The following RICTOR variants were observed in gnomAD, a reference collection of about 807,000 sequenced individuals.
The protein encoded by RICTOR is RPTOR independent companion of MTOR complex 2.
In RICTOR, 49 loss-of-function variants were observed where a neutral mutation model predicts 214.9. That is an observed-to-expected ratio of 0.23 (90% CI 0.18 to 0.29). The LOEUF (loss-of-function observed/expected upper bound fraction) is 0.29, where lower values mean the gene tolerates loss of function less well. Ranked by LOEUF, RICTOR falls within the 10% of genes least tolerant of loss-of-function variation. The probability of loss-of-function intolerance (pLI) is 1.00; values close to 1 mark genes in which losing one functional copy is unlikely to be tolerated. For synonymous variants in RICTOR, 717 were observed against 711.3 expected (o/e 1.01, Z -0.13); for missense variants, 1,625 against 2,047.0 (o/e 0.79, Z 3.98).
chr5:39,037,584 G>C (rs1460138910), intron 2 of RICTOR, among the ~76,000 whole-genome samples: 1 of 150,334 alleles, frequency 6.7e-6, no homozygotes, highest in Non-Finnish European at 1.5e-5. Context: ...GACTAATAAA[G>C]AAGAAAAGAG....
At chr5:38,971,731 G>A in intron 11 of RICTOR, 146 bp downstream of exon 11, 1 of 562,954 alleles carries the variant, frequency 1.8e-6, no homozygotes, top group Non-Finnish European at 3.1e-6. Flanking sequence ...TAACTAAGTA[G>A]TAAATATTTA....
chr5:39,019,460 T>A (rs1331615989), intron 3 of RICTOR, among the ~76,000 whole-genome samples: 1 of 152,130 alleles, frequency 6.6e-6, no homozygotes, highest in African/African-American at 2.4e-5. Context: ...ATTCTGAAAA[T>A]CCTAGAGATC....
chr5:39,051,548 G>A (rs1757847774), intron 2 of RICTOR, among the ~76,000 whole-genome samples: 1 of 152,082 alleles, frequency 6.6e-6, no homozygotes, highest in Admixed American at 6.5e-5. Context: ...AGGAGTTGGA[G>A]ACCAGGCTGG....
chr5:38,977,592 CTTTTTTTTTTT>C (rs34467191), intron 9 of RICTOR, among the ~76,000 whole-genome samples: 2 of 83,222 alleles, frequency 2.4e-5, no homozygotes, highest in Non-Finnish European at 4.5e-5. Flanking sequence ...TATGAAACCA[CTTTTTTTTTTT>C]TTTTTTTTTT....
chr5:38,988,642 T>C (rs1366826766), intron 7 of RICTOR, among the ~76,000 whole-genome samples: 1 of 152,166 alleles, frequency 6.6e-6, no homozygotes, highest in Non-Finnish European at 1.5e-5. Context: ...CAAAATCTCC[T>C]TAAGCTGATA....
intron 31 of RICTOR, among the ~76,000 whole-genome samples, chr5:38,947,917 T>C (rs920976307): frequency 8.5e-5 from 13 of 152,256 alleles, no homozygotes; most frequent in African/African-American, 2.9e-4. Context: ...AATGCCTTCA[T>C]TATCAACATA....
At chr5:39,061,091 G>A (rs1758509358) in intron 2 of RICTOR, among the ~76,000 whole-genome samples, 1 of 152,050 alleles carries the variant, frequency 6.6e-6, no homozygotes, top group South Asian at 2.1e-4. Flanking sequence ...TGTGTTCAAA[G>A]ACGATTAAAC....
intron 7 of RICTOR, among the ~76,000 whole-genome samples, chr5:38,990,523 T>TACACGATATATAC (rs1554067770): frequency 1.5e-5 from 2 of 129,800 alleles, no homozygotes; most frequent in African/African-American, 3.0e-5. Flanking sequence ...ACGATATATA[T>TACACGATATATAC]ACGATATATA....
chr5:38,992,497 A>G (rs1229176210), intron 6 of RICTOR, among the ~76,000 whole-genome samples: 2 of 152,184 alleles, frequency 1.3e-5, no homozygotes, highest in African/African-American at 4.8e-5. Context: ...ATAATAAACT[A>G]TGTTACCTTG....
chr5:38,969,548 C>G (rs2150037148), intron 11 of RICTOR: 1 of 151,820 alleles, frequency 6.6e-6, no homozygotes, highest in East Asian at 1.9e-4. Flanking sequence ...CAGTAGTGTA[C>G]AGTCATGTCC....
At chr5:39,066,701 A>G (rs1352173546) in intron 2 of RICTOR, among the ~76,000 whole-genome samples, 1 of 152,194 alleles carries the variant, frequency 6.6e-6, no homozygotes, top group Non-Finnish European at 1.5e-5. Context: ...ACACATCTTG[A>G]ACACTTTGCT....
chr5:38,973,504 A>T (rs1163697913), intron 10 of RICTOR, among the ~76,000 whole-genome samples: 2 of 152,072 alleles, frequency 1.3e-5, no homozygotes, highest in Admixed American at 1.3e-4. Context: ...AGTTTTTTCA[A>T]TTTTTCTGTA....
chr5:39,061,425 G>A (rs1758533846), intron 2 of RICTOR, among the ~76,000 whole-genome samples: 2 of 152,194 alleles, frequency 1.3e-5, no homozygotes, highest in South Asian at 4.1e-4. Flanking sequence ...GATGACAGCT[G>A]TCTGATATTG....
At chr5:39,066,385 A>G (rs1229828522) in intron 2 of RICTOR, among the ~76,000 whole-genome samples, 5 of 152,218 alleles carry the variant, frequency 3.3e-5, no homozygotes, top group African/African-American at 1.2e-4. Context: ...CTTTCTTCCT[A>G]GGCCTCTGGG....
At chr5:38,943,281 C>A (rs1747805163) in intron 36 of RICTOR, 1 of 200,608 alleles carries the variant, frequency 5.0e-6, no homozygotes, top group South Asian at 1.6e-4. Context: ...AAAATATGTT[C>A]CAAATTAAGT....
At chr5:38,954,327 T>TA (rs1749051951) in intron 27 of RICTOR, among the ~76,000 whole-genome samples, 1 of 151,958 alleles carries the variant, frequency 6.6e-6, no homozygotes, top group African/African-American at 2.4e-5. Flanking sequence ...TTCCATGAAG[T>TA]ACGCGAGAAT....
intron 7 of RICTOR, among the ~76,000 whole-genome samples, chr5:38,983,806 C>CA (rs1164812017): frequency 1.0e-4 from 15 of 150,522 alleles, no homozygotes; most frequent in East Asian, 5.9e-4. Context: ...ACTGAAAATA[C>CA]AAAAAAAAAT....
chr5:39,031,339 A>G (rs1200483099), intron 2 of RICTOR, among the ~76,000 whole-genome samples: 5 of 152,170 alleles, frequency 3.3e-5, no homozygotes, highest in Admixed American at 3.3e-4. Context: ...TTTATCCTTA[A>G]AAGTTATCTT....
intron 10 of RICTOR, among the ~76,000 whole-genome samples, chr5:38,973,558 A>C (rs961448444): frequency 2.6e-5 from 4 of 152,176 alleles, no homozygotes; most frequent in Non-Finnish European, 4.4e-5. Flanking sequence ...CATTCTTTAA[A>C]ATGTCTTATA....
Sources: allele counts gnomAD v4.1 joint callset (sites outside exome capture counted in the v4.1 genomes callset), GRCh38; gene constraint gnomAD v4.1.1; transcripts MANE v1.5; gene names NCBI Gene and HGNC (gene_info 2026-07-23, HGNC 2026-07-21).